CENPP: variants seen among roughly 807,000 people sequenced by gnomAD.
CENPP encodes the protein centromere protein P.
CENPP carries 24 observed loss-of-function variants against 35.6 expected under a neutral mutation model. The ratio of observed to expected loss-of-function variants is 0.67; its 90% CI spans 0.49 to 0.95. The LOEUF (loss-of-function observed/expected upper bound fraction) is 0.95. CENPP is among the 40% of genes least tolerant of loss of function. CENPP has a pLI of 0.00. For missense variants in CENPP, 332 were observed against 345.3 expected (o/e 0.96, Z 0.31); for synonymous variants, 120 against 125.5 (o/e 0.96, Z 0.29).
chr9:92,363,860 T>G (rs1369888012), intron 4 of CENPP, among the ~76,000 whole-genome samples: 2 of 152,130 alleles, frequency 1.3e-5, no homozygotes, highest in Non-Finnish European at 2.9e-5. Flanking sequence ...TTGTTTTTGT[T>G]TTTTTTGAGA....
Position 92,614,225 on chromosome 9 carries a change from C to G in CENPP, c.*1076C>G, listed in dbSNP as rs577090702. The G allele has an allele frequency of 6.5e-6, 1 of 153,012 alleles. No individual in the cohort carries two copies. Among genetic ancestry groups the G allele is most frequent in the South Asian group, 2.1e-4 (1 of 4,834 alleles). 9.5% of individuals were successfully genotyped at this position (153,012 alleles called of 1,614,324 possible). On this transcript the variant is annotated 3_prime_UTR_variant, in exon 8 of 8. Coordinates refer to ENST00000375587, the MANE Select transcript of CENPP (RefSeq NM_001012267.3). ...CTCACATGTGCACTTGAACCCAGGACCCAGCATCCTCCACACACCGTGACA... is the reference window on the plus strand; with the variant it reads ...CTCACATGTGCACTTGAACCCAGGAGCCAGCATCCTCCACACACCGTGACA...
intron 5 of CENPP, among the ~76,000 whole-genome samples, chr9:92,468,843 A>G (rs573979918): frequency 1.3e-5 from 2 of 152,326 alleles, no homozygotes; most frequent in South Asian, 4.1e-4. Flanking sequence ...AAGGAAATCA[A>G]GTAGGTCTAA....
chr9:92,472,615 G>A (rs1363303001), intron 5 of CENPP, among the ~76,000 whole-genome samples: 2 of 152,104 alleles, frequency 1.3e-5, no homozygotes, highest in East Asian at 1.9e-4. Flanking sequence ...CCGAGATCGC[G>A]CCATTGTACT....
At chr9:92,596,749 A>G (rs1488717245) in intron 5 of CENPP, among the ~76,000 whole-genome samples, 1 of 152,022 alleles carries the variant, frequency 6.6e-6, no homozygotes, top group Non-Finnish European at 1.5e-5. Flanking sequence ...AAAAACGATG[A>G]TAAGAGCCAG....
chr9:92,574,887 A>G (rs190671846), intron 5 of CENPP, among the ~76,000 whole-genome samples: 35 of 152,348 alleles, frequency 2.3e-4, no homozygotes, highest in Admixed American at 1.5e-3. Context: ...ATGGAATAGA[A>G]TACAGAGTCC....
At chr9:92,530,489 CAAT>C (rs1848679406) in intron 5 of CENPP, among the ~76,000 whole-genome samples, 1 of 152,050 alleles carries the variant, frequency 6.6e-6, no homozygotes, top group South Asian at 2.1e-4. Flanking sequence ...GACAGAATAT[CAAT>C]AAGGATTTTA....
intron 5 of CENPP, among the ~76,000 whole-genome samples, chr9:92,546,306 A>G (rs561107901): frequency 6.1e-4 from 93 of 152,290 alleles, no homozygotes; most frequent in African/African-American, 2.1e-3. Flanking sequence ...CAGGCTGCCC[A>G]AGCTAGCCCT....
chr9:92,453,092 T>C (rs1359471755), intron 5 of CENPP, among the ~76,000 whole-genome samples: 1 of 152,170 alleles, frequency 6.6e-6, no homozygotes, highest in East Asian at 1.9e-4. Flanking sequence ...TTTATGTCTC[T>C]ATTTCCTTCA....
chr9:92,446,119 AG>A lies in CENPP; in HGVS notation c.564+66262del, dbSNP rs530090933. On this transcript the variant is annotated intron_variant, in intron 5 of 7. Transcript: ENST00000375587. ...CTCCATCACTGGAAGTCTTAATACC[AG>A]GACTTTATACAAATGATTGTGCCTT... Among the ~76,000 whole-genome samples, 8 of 152,306 alleles carry A rather than the reference AG, an allele frequency of 5.3e-5. No individual in the cohort carries two copies. The South Asian group carries it at 1.7e-3, about 32-fold the overall frequency.
chr9:92,572,954 G>T (rs543839940), intron 5 of CENPP, among the ~76,000 whole-genome samples: 1 of 152,128 alleles, frequency 6.6e-6, no homozygotes, highest in African/African-American at 2.4e-5. Context: ...GTCATTTAAG[G>T]TCTTCTCTAT....
chr9:92,363,699 C>G (rs888930883), intron 4 of CENPP, among the ~76,000 whole-genome samples: 1 of 152,164 alleles, frequency 6.6e-6, no homozygotes, highest in Non-Finnish European at 1.5e-5. Flanking sequence ...TCTAGCTTAT[C>G]CCCAGTTTAT....
intron 2 of CENPP, among the ~76,000 whole-genome samples, chr9:92,333,755 T>G (rs1293777480): frequency 6.6e-6 from 1 of 152,130 alleles, no homozygotes; most frequent in African/African-American, 2.4e-5. Context: ...CGAGATGGAG[T>G]TTTGCACTGT....
At chr9:92,374,665 G>T (rs1160405272) in intron 4 of CENPP, among the ~76,000 whole-genome samples, 1 of 152,042 alleles carries the variant, frequency 6.6e-6, no homozygotes, top group Non-Finnish European at 1.5e-5. Context: ...TACATTGTTT[G>T]GCCATTAACA....
chr9:92,401,055 A>G, intron 5 of CENPP: 2 of 971,680 alleles, frequency 2.1e-6, no homozygotes, highest in Non-Finnish European at 3.3e-6. Flanking sequence ...AGCTATTTTT[A>G]AAAGATCCAT....
At chr9:92,415,221 A>G (rs1268001580) in intron 5 of CENPP, 1 of 1,613,732 alleles carries the variant, frequency 6.2e-7, no homozygotes, top group Admixed American at 1.7e-5. Context: ...GGCTCTCATG[A>G]GCATTGTCAG....
At chr9:92,385,761 G>A (rs763692574) in intron 5 of CENPP, 1 of 1,614,044 alleles carries the variant, frequency 6.2e-7, no homozygotes, top group South Asian at 1.1e-5. Context: ...TGCAGAATGT[G>A]TCATCTGTAA....
intron 4 of CENPP, among the ~76,000 whole-genome samples, chr9:92,362,406 C>T (rs1292422519): frequency 6.6e-6 from 1 of 151,798 alleles, no homozygotes; most frequent in African/African-American, 2.4e-5. Context: ...GTTTCTTTTT[C>T]TTTCTACTTT....
intron 5 of CENPP, among the ~76,000 whole-genome samples, chr9:92,599,956 C>T (rs1850870393): frequency 6.6e-6 from 1 of 152,204 alleles, no homozygotes; most frequent in African/African-American, 2.4e-5. Flanking sequence ...GTGGGACCCA[C>T]CTCCCCTGGT....
At chr9:92,572,156 G>A (rs1345318156) in intron 5 of CENPP, among the ~76,000 whole-genome samples, 8 of 152,078 alleles carry the variant, frequency 5.3e-5, no homozygotes, top group African/African-American at 1.2e-4. Flanking sequence ...TATTTTGCTG[G>A]TGAGTTGATG....
Sources: allele counts gnomAD v4.1 joint callset (sites outside exome capture counted in the v4.1 genomes callset), GRCh38; gene constraint gnomAD v4.1.1; transcripts MANE v1.5; gene names NCBI Gene and HGNC (gene_info 2026-07-23, HGNC 2026-07-21).